Variants in CHRM3 observed in about 807,000 individuals in gnomAD.
CHRM3 encodes cholinergic receptor muscarinic 3.
A neutral mutation model predicts 41.8 loss-of-function variants in CHRM3; 11 were observed. That is an observed-to-expected ratio of 0.26 (90% CI 0.17 to 0.44). CHRM3 has a LOEUF of 0.44. CHRM3 is among the 20% of genes least tolerant of loss of function. CHRM3 has a pLI of 1.00. For synonymous variants in CHRM3, 297 were observed against 301.4 expected (o/e 0.99, Z 0.15); for missense variants, 571 against 745.4 (o/e 0.77, Z 2.72).
chr1:239,583,232 G>A (rs565376626), intron 3 of CHRM3, among the ~76,000 whole-genome samples: 10 of 152,264 alleles, frequency 6.6e-5, no homozygotes. Context: ...TACTATTTGT[G>A]TATTTTGTAT....
intron 6 of CHRM3, among the ~76,000 whole-genome samples, chr1:239,890,400 A>T (rs1159688277): frequency 6.6e-6 from 1 of 152,112 alleles, no homozygotes. Context: ...AGTTTGGCAT[A>T]CACAGTCCAT....
chr1:239,893,197 T>C (rs1678690634), intron 6 of CHRM3, among the ~76,000 whole-genome samples: 2 of 152,174 alleles, frequency 1.3e-5, no homozygotes, highest in Admixed American at 6.5e-5. Context: ...ACAGTGAGTG[T>C]TTAAAAATAT....
intron 2 of CHRM3, among the ~76,000 whole-genome samples, chr1:239,544,371 T>C (rs1380746958): frequency 6.6e-6 from 1 of 152,212 alleles, no homozygotes; most frequent in Non-Finnish European, 1.5e-5. Context: ...AAAACGTGGA[T>C]TTTTTTCTTT....
intron 2 of CHRM3, among the ~76,000 whole-genome samples, chr1:239,519,220 A>G (rs1010695456): frequency 2.6e-5 from 4 of 152,174 alleles, no homozygotes; most frequent in African/African-American, 4.8e-5. Context: ...AATTCCTTCA[A>G]TGTAAATAAT....
At chr1:239,466,063 C>T (rs933392774) in intron 1 of CHRM3, among the ~76,000 whole-genome samples, 1 of 152,024 alleles carries the variant, frequency 6.6e-6, no homozygotes, top group Non-Finnish European at 1.5e-5. Flanking sequence ...GCGTGATCTC[C>T]GCTCACTGCA....
intron 5 of CHRM3, among the ~76,000 whole-genome samples, chr1:239,743,796 T>C (rs576065900): frequency 4.4e-4 from 59 of 132,674 alleles, no homozygotes; most frequent in South Asian, 3.9e-3. Flanking sequence ...TTCTTTTTTT[T>C]TTTTTTTTTT....
intron 1 of CHRM3, among the ~76,000 whole-genome samples, chr1:239,487,020 A>T (rs1454352272): frequency 6.6e-6 from 1 of 152,214 alleles, no homozygotes; most frequent in Non-Finnish European, 1.5e-5. Flanking sequence ...GATAGAACTT[A>T]TTGAGAGAAG....
At chr1:239,654,942 A>T (rs1672581497) in intron 4 of CHRM3, among the ~76,000 whole-genome samples, 3 of 152,354 alleles carry the variant, frequency 2.0e-5, no homozygotes, top group South Asian at 4.1e-4. Flanking sequence ...TGACTTTTTC[A>T]TGTCAACAAT....
chr1:239,423,873 G>A (rs537298972), intron 1 of CHRM3, among the ~76,000 whole-genome samples: 87 of 152,018 alleles, frequency 5.7e-4, no homozygotes, highest in Non-Finnish European at 8.2e-4. Flanking sequence ...GGCTAACACG[G>A]TGAAACCCCA....
chr1:239,641,794 T>C (rs1425869684), intron 4 of CHRM3, among the ~76,000 whole-genome samples: 1 of 91,672 alleles, frequency 1.1e-5, no homozygotes, highest in Non-Finnish European at 2.3e-5. Context: ...ATGTGTGAAT[T>C]TGATCCTGTC....
intron 1 of CHRM3, among the ~76,000 whole-genome samples, chr1:239,416,389 T>C (rs778991838): frequency 2.9e-5 from 4 of 140,172 alleles, no homozygotes; most frequent in Non-Finnish European, 4.7e-5. Context: ...TGGTAAAGAG[T>C]ACAACTTCTG....
At chr1:239,529,805 G>A (rs1164027824) in intron 2 of CHRM3, among the ~76,000 whole-genome samples, 1 of 151,994 alleles carries the variant, frequency 6.6e-6, no homozygotes, top group African/African-American at 2.4e-5. Context: ...GCCTGCTTGA[G>A]GTGCTATTCT....
chr1:239,586,715 A>C (rs749229488), intron 3 of CHRM3, among the ~76,000 whole-genome samples: 6 of 151,718 alleles, frequency 4.0e-5, no homozygotes, highest in Non-Finnish European at 1.5e-5. Context: ...ACACTCAGGC[A>C]AAAAAAAGTG....
Position 239,517,230 on chromosome 1 carries a change from A to G in CHRM3, c.-422+24423A>G, listed in dbSNP as rs541059389. The stretch of plus-strand genomic sequence containing the variant: ...CAATGTATGTAAATTTTGGCTTATA[A>G]TAAGTTCTTGGAAAGTGCTAGCTGT... On this transcript the variant is annotated intron_variant, in intron 2 of 6. Transcript: ENST00000676153. Among the ~76,000 whole-genome samples, 5 of 152,306 alleles carry G rather than the reference A, an allele frequency of 3.3e-5. No individual in the cohort carries two copies. The South Asian group carries it at 6.2e-4, about 19-fold the overall frequency.
At chr1:239,750,532 T>C (rs940375061) in intron 5 of CHRM3, among the ~76,000 whole-genome samples, 1 of 152,232 alleles carries the variant, frequency 6.6e-6, no homozygotes, top group African/African-American at 2.4e-5. Flanking sequence ...CCTCACGTAT[T>C]TGAAGTTTGG....
intron 2 of CHRM3, among the ~76,000 whole-genome samples, chr1:239,530,589 T>C (rs996957046): frequency 1.3e-5 from 2 of 152,174 alleles, no homozygotes; most frequent in Admixed American, 6.5e-5. Flanking sequence ...CTATAGTAAG[T>C]ATGGCCTAAG....
intron 1 of CHRM3, among the ~76,000 whole-genome samples, chr1:239,458,007 G>A (rs767925298): frequency 6.6e-6 from 1 of 152,020 alleles, no homozygotes; most frequent in Non-Finnish European, 1.5e-5. Flanking sequence ...TGCCGTACTT[G>A]TGTTGTTCAG....
In CHRM3 at chr1:239,476,070, C is replaced by A. The variant is rs547614714; in HGVS notation, c.-520-16639C>A. On this transcript the variant is annotated intron_variant, in intron 1 of 6. Transcript: ENST00000676153. ...ATTCTTAAAGCACAGTTACTTCTTT[C>A]TAGTTAGTTTTTTTTTTGTATCCTA... 2.9e-3 allele frequency among the ~76,000 whole-genome samples: 338 copies of A among 116,972 alleles called. 1 individual carries two copies. The highest frequency in any genetic ancestry group is 0.01 in the African/African-American group (330 of 32,958). 76.7% of individuals were successfully genotyped at this position (116,972 alleles called of 152,430 possible). A position where few individuals can be genotyped will look rare whatever the true frequency, so the allele number is the denominator to read the frequency against.
Position 239,683,392 on chromosome 1 carries a change from C to CAG in CHRM3, c.-147+5116_-147+5117dup, listed in dbSNP as rs71772706. Among the ~76,000 whole-genome samples, 1,283 of 151,624 alleles carry CAG rather than the reference C, an allele frequency of 8.5e-3. 18 individuals carry two copies. The highest frequency in any genetic ancestry group is 0.03 in the African/African-American group (1,229 of 41,454). Reference sequence around the variant, plus strand: ...CTATATCTGGTGTGCTCTGCTGAAGCAGAGAGAGAGAGACATCGTTTTTAA... The same window carrying CAG: ...CTATATCTGGTGTGCTCTGCTGAAGCAGAGAGAGAGAGAGACATCGTTTTTAA... On this transcript the variant is annotated intron_variant, in intron 5 of 6. Transcript: ENST00000676153.
Sources: allele counts gnomAD v4.1 joint callset (sites outside exome capture counted in the v4.1 genomes callset), GRCh38; gene constraint gnomAD v4.1.1; transcripts MANE v1.5; gene names NCBI Gene and HGNC (gene_info 2026-07-23, HGNC 2026-07-21).